RASGEF1C: variants seen among roughly 807,000 people sequenced by gnomAD.
RASGEF1C encodes RasGEF domain family member 1C, also known as ras-GEF domain-containing family member 1C.
Under a neutral mutation model 58.1 loss-of-function variants are expected in RASGEF1C, and 27 were observed. That is an observed-to-expected ratio of 0.46 (90% CI 0.34 to 0.64). The LOEUF (loss-of-function observed/expected upper bound fraction) is 0.64, where lower values mean the gene tolerates loss of function less well. Ranked by LOEUF, RASGEF1C falls within the 30% of genes least tolerant of loss-of-function variation. The pLI is 0.01. For missense variants in RASGEF1C, 502 were observed against 605.1 expected, an observed-to-expected ratio of 0.83 and a Z score of 1.79; for synonymous variants, 243 against 246.3, an observed-to-expected ratio of 0.99 and a Z score of 0.13.
At position 180,173,710 on chromosome 5, in the gene RASGEF1C, T is replaced by G. The variant is rs55773286; in HGVS notation, c.-7+35318A>C. On this transcript the variant is annotated intron_variant, in intron 1 of 13. Coordinates refer to ENST00000361132, the MANE Select transcript of RASGEF1C (RefSeq NM_175062.4). Reference sequence around the variant, plus strand: ...TGGGCAGATCACAAGGTCAGGAGTTTGAGACCAGCCTGGCCAACATGGTGA... The same window carrying G: ...TGGGCAGATCACAAGGTCAGGAGTTGGAGACCAGCCTGGCCAACATGGTGA... Among the ~76,000 whole-genome samples the G allele has an allele frequency of 3.9e-5, 6 of 152,086 alleles. No homozygotes were observed. The South Asian group carries it at 8.3e-4, about 21-fold the overall frequency.
chr5:180,142,603 C>T (rs1766598034), intron 1 of RASGEF1C, among the ~76,000 whole-genome samples: 1 of 152,132 alleles, frequency 6.6e-6, no homozygotes, highest in Non-Finnish European at 1.5e-5. Context: ...CACAGACGCA[C>T]TGGCGGAGTG....
chr5:180,182,670 G>A (rs1381495284), intron 1 of RASGEF1C, among the ~76,000 whole-genome samples: 2 of 152,218 alleles, frequency 1.3e-5, no homozygotes, highest in Admixed American at 1.3e-4. Flanking sequence ...ACAGAGTGCT[G>A]ATTGGTGCTT....
Position 180,101,467 on chromosome 5 carries a change from C to T in RASGEF1C, c.*34G>A, listed in dbSNP as rs770564171. 5.6e-6 allele frequency: 9 copies of T among 1,608,074 alleles called. No homozygotes were observed. The East Asian group carries it at 1.3e-4, about 24-fold the overall frequency. On this transcript the variant is annotated 3_prime_UTR_variant, in exon 14 of 14. Transcript: ENST00000361132. Reference sequence around the variant, plus strand: ...CAGGGCTGTGGACGGCTTCTGCGGGCTCCAGCTCTTCCTCGTCCCTCAGCT... The same window carrying T: ...CAGGGCTGTGGACGGCTTCTGCGGGTTCCAGCTCTTCCTCGTCCCTCAGCT...
chr5:180,130,286 G>A (rs549360927), intron 4 of RASGEF1C, among the ~76,000 whole-genome samples: 1 of 152,304 alleles, frequency 6.6e-6, no homozygotes, highest in South Asian at 2.1e-4. Context: ...CTGCGGGGTA[G>A]GGGGCAGGGG....
Position 180,173,899 on chromosome 5 carries a change from C to T in RASGEF1C, c.-7+35129G>A, listed in dbSNP as rs186355533. 6.1e-5 allele frequency among the ~76,000 whole-genome samples: 8 copies of T among 130,772 alleles called. No homozygotes were observed. In the East Asian group the frequency reaches 8.7e-4, roughly 14 times the overall value. 85.8% of individuals were successfully genotyped at this position (130,772 alleles called of 152,430 possible). Reference sequence around the variant, plus strand: ...CTGCACTCCAGCCTGGGCAACAGAGCGAGACTGTCTCAAAACAACCACCAA... The same window carrying T: ...CTGCACTCCAGCCTGGGCAACAGAGTGAGACTGTCTCAAAACAACCACCAA... On this transcript the variant is annotated intron_variant, in intron 1 of 13. Transcript: ENST00000361132.
intron 1 of RASGEF1C, among the ~76,000 whole-genome samples, chr5:180,173,135 T>G (rs1413787487): frequency 6.6e-6 from 1 of 152,250 alleles, no homozygotes; most frequent in Admixed American, 6.5e-5. Flanking sequence ...CATAATGCCC[T>G]TTTAGACTGC....
At chr5:180,205,876 G>A (rs750044108) in intron 1 of RASGEF1C, among the ~76,000 whole-genome samples, 21 of 152,112 alleles carry the variant, frequency 1.4e-4, no homozygotes, top group Non-Finnish European at 2.9e-4. Context: ...GGGATTACAG[G>A]CATGTGCCAC....
intron 1 of RASGEF1C, among the ~76,000 whole-genome samples, chr5:180,191,641 C>T (rs1021375743): frequency 2.6e-5 from 4 of 152,224 alleles, no homozygotes; most frequent in African/African-American, 7.2e-5. Flanking sequence ...CAGGCGTGAG[C>T]CACCGCGCCC....
intron 1 of RASGEF1C, among the ~76,000 whole-genome samples, chr5:180,200,032 C>T (rs974258303): frequency 2.2e-4 from 33 of 152,096 alleles, no homozygotes; most frequent in Admixed American, 5.2e-4. Flanking sequence ...GAGGTTGAGG[C>T]GGGTGGATCA....
At chr5:180,157,559 G>A (rs577027359) in intron 1 of RASGEF1C, among the ~76,000 whole-genome samples, 14 of 151,706 alleles carry the variant, frequency 9.2e-5, no homozygotes, top group South Asian at 6.2e-4. Context: ...CCCAGGAGGC[G>A]GAGGTTGCAG....
At chr5:180,169,853 C>G (rs372394075) in intron 1 of RASGEF1C, among the ~76,000 whole-genome samples, 106 of 151,098 alleles carry the variant, frequency 7.0e-4, no homozygotes, top group African/African-American at 2.4e-3. Flanking sequence ...TCGCCCTCCC[C>G]CTGTGCAGGC....
chr5:180,140,149 G>T (rs1766552302), intron 1 of RASGEF1C, among the ~76,000 whole-genome samples: 1 of 152,214 alleles, frequency 6.6e-6, no homozygotes, highest in Non-Finnish European at 1.5e-5. Context: ...ATCCAGCTCT[G>T]CTCTGGAGCG....
At chr5:180,124,563 G>T (rs1168387422) in intron 6 of RASGEF1C, among the ~76,000 whole-genome samples, 1 of 152,000 alleles carries the variant, frequency 6.6e-6, no homozygotes, top group Non-Finnish European at 1.5e-5. Flanking sequence ...AGTGGCTCAC[G>T]CCTGTAATCC....
rs901281522 is a variant in RASGEF1C at position 180,143,776 on chromosome 5, T to C, written c.-6-5718A>G. ...GCCAAGGTGGTCAGTTTACAGACCC[T>C]GTTCCTGCTGGGGTCCCCACATCCC... On this transcript the variant is annotated intron_variant, in intron 1 of 13. Coordinates refer to ENST00000361132, the MANE Select transcript of RASGEF1C (RefSeq NM_175062.4). The surrounding 1 kb of genome is among the most constrained non-coding windows in gnomAD (Gnocchi z 4.3). Among the ~76,000 whole-genome samples, 1 of 152,200 alleles carries C rather than the reference T, an allele frequency of 6.6e-6. No individual in the cohort carries two copies. The highest frequency in any genetic ancestry group is 1.5e-5 in the Non-Finnish European group (1 of 68,022).
Position 180,118,868 on chromosome 5 carries a change from TGGAAGAG to T in RASGEF1C, c.908-9_908-3del. ...AGACAGGGCTCATGTTCATGCCGGC[TGGAAGAG>T]GGAGGAGGGTTGGAGAGGGCTGCTC... On this transcript the variant is annotated splice_region_variant and splice_polypyrimidine_tract_variant and intron_variant, in intron 8 of 13. Coordinates refer to ENST00000361132, the MANE Select transcript of RASGEF1C (RefSeq NM_175062.4). 2 of 1,614,114 alleles carry T rather than the reference TGGAAGAG, an allele frequency of 1.2e-6. No homozygotes were observed. Among genetic ancestry groups the T allele is most frequent in the Non-Finnish European group, 1.7e-6 (2 of 1,179,988 alleles).
chr5:180,182,293 G>C (rs193287330), intron 1 of RASGEF1C, among the ~76,000 whole-genome samples: 1 of 149,406 alleles, frequency 6.7e-6, no homozygotes, highest in Non-Finnish European at 1.5e-5. Context: ...TGTGTCTGGA[G>C]TTTCTTCCTT....
intron 9 of RASGEF1C, 29 bp downstream of exon 9, chr5:180,118,758 G>A (rs758242021): frequency 3.7e-6 from 6 of 1,613,840 alleles, no homozygotes; most frequent in Non-Finnish European, 2.5e-6. Context: ...ATGGCCGGAG[G>A]CACCCGGCAG....
chr5:180,131,047 C>T lies in RASGEF1C; in HGVS notation c.439-2437G>A, dbSNP rs115112479. On this transcript the variant is annotated intron_variant, in intron 4 of 13. Transcript: ENST00000361132. ...TCTAGTTCATTTTCTTCTATTTCTG[C>T]GCATCCCACCACTGTCTCTGGAGCC... 1.6e-3 allele frequency among the ~76,000 whole-genome samples: 239 copies of T among 152,196 alleles called. 1 individual carries two copies. The highest frequency in any genetic ancestry group is 5.5e-3 in the African/African-American group (230 of 41,516).
At chr5:180,171,916 G>C (rs1581118728) in intron 1 of RASGEF1C, among the ~76,000 whole-genome samples, 1 of 152,248 alleles carries the variant, frequency 6.6e-6, no homozygotes, top group East Asian at 1.9e-4. Context: ...CCCCTCAGCT[G>C]TCGGACCTCA....
Sources: gnomAD v4.1 joint callset for allele counts (sites outside exome capture counted in the v4.1 genomes callset) on GRCh38, gnomAD v4.1.1 for gene constraint, Gnocchi (gnomAD v3.1) non-coding constraint, MANE v1.5 for transcripts, NCBI Gene and HGNC (gene_info 2026-07-23, HGNC 2026-07-21) for gene names.